Variants in HMCES observed in about 807,000 individuals in gnomAD.
HMCES encodes the protein 5-hydroxymethylcytosine binding, ES cell specific, also known as abasic site processing protein HMCES.
Under a neutral mutation model 35.1 loss-of-function variants are expected in HMCES, and 27 were observed. That is an observed-to-expected ratio of 0.77 (90% CI 0.57 to 1.06). HMCES has a LOEUF of 1.06. HMCES is among the 50% of genes least tolerant of loss of function. The pLI is 0.00. For missense variants in HMCES, 391 were observed against 430.4 expected, an observed-to-expected ratio of 0.91 and a Z score of 0.81; for synonymous variants, 130 against 154.7, an observed-to-expected ratio of 0.84 and a Z score of 1.18.
At chr3:129,294,098 T>A (rs2107693148) in intron 4 of HMCES, among the ~76,000 whole-genome samples, 1 of 152,270 alleles carries the variant, frequency 6.6e-6, no homozygotes, top group Admixed American at 6.5e-5. Flanking sequence ...TCATCTCTAT[T>A]ATTGGCTTAT....
rs752647786 is a variant in HMCES, at chr3:129,305,418, A to G, written c.*593A>G. ...TGGGGCATGGGGGCTTTCTGAGGAA[A>G]TAACTACAAGTCTTGGTGGTGGGCT... On this transcript the variant is annotated 3_prime_UTR_variant, in exon 7 of 7. Coordinates refer to ENST00000383463, the MANE Select transcript of HMCES (RefSeq NM_020187.3). 5 of 152,114 alleles carry G rather than the reference A, an allele frequency of 3.3e-5. No homozygotes were observed. Among genetic ancestry groups the G allele is most frequent in the African/African-American group, 9.7e-5 (4 of 41,398 alleles). The allele number at this position is 152,114 out of a possible 1,614,324, so 9.4% of individuals were successfully genotyped here.
chr3:129,279,673 A>G lies in HMCES; in HGVS notation c.-23-37A>G. ...CAAGGAATAAGACCTAATATTTGAGATACGTAAGCCTTTTCCTTACGTTTT... is the reference window on the plus strand; with the variant it reads ...CAAGGAATAAGACCTAATATTTGAGGTACGTAAGCCTTTTCCTTACGTTTT... On this transcript the variant is annotated intron_variant, in intron 1 of 6. Coordinates refer to ENST00000383463, the MANE Select transcript of HMCES (RefSeq NM_020187.3). The surrounding 1 kb of genome is among the most constrained non-coding windows in gnomAD (Gnocchi z 4.2). 6.3e-7 allele frequency: 1 copy of G among 1,586,632 alleles called. No homozygotes were observed. The highest frequency in any genetic ancestry group is 8.6e-7 in the Non-Finnish European group (1 of 1,163,894).
At chr3:129,288,049 T>C (rs573791381) in intron 2 of HMCES, among the ~76,000 whole-genome samples, 2 of 151,614 alleles carry the variant, frequency 1.3e-5, no homozygotes, top group East Asian at 3.9e-4. Context: ...AGAGCGAGAC[T>C]CCGTCTCAAA....
intron 2 of HMCES, among the ~76,000 whole-genome samples, chr3:129,283,610 C>T (rs1004209403): frequency 6.6e-6 from 1 of 152,090 alleles, no homozygotes; most frequent in Admixed American, 6.6e-5. Context: ...GCAGGTGGAT[C>T]GCTTGCAGTC....
chr3:129,289,299 A>G (rs1472212012), intron 3 of HMCES, among the ~76,000 whole-genome samples: 4 of 152,222 alleles, frequency 2.6e-5, no homozygotes, highest in Non-Finnish European at 4.4e-5. Context: ...TGGATGTCCA[A>G]GATGACTTCT....
intron 4 of HMCES, among the ~76,000 whole-genome samples, chr3:129,294,497 A>G (rs1438827221): frequency 6.6e-6 from 1 of 152,258 alleles, no homozygotes; most frequent in Non-Finnish European, 1.5e-5. Flanking sequence ...AGTTAATAAC[A>G]TTCTGTCTTT....
chr3:129,280,854 A>G (rs762091089), intron 2 of HMCES, among the ~76,000 whole-genome samples: 2 of 152,192 alleles, frequency 1.3e-5, no homozygotes, highest in Non-Finnish European at 2.9e-5. Flanking sequence ...TGTGTGTAAT[A>G]AAAATGCTTC....
Position 129,305,107 on chromosome 3 carries a change from A to G in HMCES, c.*282A>G, listed in dbSNP as rs1317228184. ...GCAGGGCTGGTGGAGTCTTCCCTCA[A>G]AGCATGCCTTACCCAGCTGGGAAGT... On this transcript the variant is annotated 3_prime_UTR_variant, in exon 7 of 7. Transcript: ENST00000383463. 2.1e-6 allele frequency: 1 copy of G among 472,936 alleles called. No homozygotes were observed. Among genetic ancestry groups the G allele is most frequent in the African/African-American group, 1.9e-5 (1 of 51,816 alleles). The allele number at this position is 472,936 out of a possible 1,614,324, so 29.3% of individuals were successfully genotyped here. A position where few individuals can be genotyped will look rare whatever the true frequency, so the allele number is the denominator to read the frequency against.
intron 2 of HMCES, among the ~76,000 whole-genome samples, chr3:129,286,085 A>G (rs138723436): frequency 5.0e-4 from 76 of 152,336 alleles, no homozygotes; most frequent in East Asian, 2.9e-3. Context: ...TCTTTCCTCT[A>G]TACCAGGGAT....
In HMCES at chr3:129,279,394, C is replaced by T. The variant is rs538067559; in HGVS notation, c.-23-316C>T. Among the ~76,000 whole-genome samples the T allele has an allele frequency of 3.6e-4, 55 of 152,308 alleles. No homozygotes were observed. Among genetic ancestry groups the T allele is most frequent in the East Asian group, 1.2e-3 (6 of 5,154 alleles). On this transcript the variant is annotated intron_variant, in intron 1 of 6. Transcript: ENST00000383463. This position sits in a 1 kb window ranked among gnomAD's most constrained non-coding sequence, Gnocchi z 4.2. ...CACCAAGTCACCCGGAGGAGGCGAC[C>T]CCAGCTAGCTGCGCTTGCCCTGCTT...
chr3:129,282,297 A>AC (rs1238628779), intron 2 of HMCES, among the ~76,000 whole-genome samples: 5 of 147,120 alleles, frequency 3.4e-5, no homozygotes, highest in African/African-American at 7.4e-5. Context: ...GTTTTTAACA[A>AC]AAAAAAAAAA....
At chr3:129,303,819 T>G (rs1441843320) in intron 6 of HMCES, among the ~76,000 whole-genome samples, 1 of 152,050 alleles carries the variant, frequency 6.6e-6, no homozygotes, top group South Asian at 2.1e-4. Context: ...CATAGTTCAC[T>G]GCAGCCTCGA....
chr3:129,299,792 C>T (rs2107697960), intron 5 of HMCES, among the ~76,000 whole-genome samples: 1 of 151,892 alleles, frequency 6.6e-6, no homozygotes, highest in Non-Finnish European at 1.5e-5. Flanking sequence ...GCTGGGACTA[C>T]AGGCACACGC....
chr3:129,290,937 T>A, intron 4 of HMCES, 133 bp downstream of exon 4: 8 of 785,706 alleles, frequency 1.0e-5, no homozygotes, highest in Admixed American at 2.8e-5. Flanking sequence ...GTGCGGTGGC[T>A]CACGCCTGTG....
chr3:129,290,406 C>G (rs755152782), intron 3 of HMCES, among the ~76,000 whole-genome samples: 2 of 151,842 alleles, frequency 1.3e-5, no homozygotes, highest in Admixed American at 6.6e-5. Flanking sequence ...GCTTTAGCCT[C>G]CCAGGTAGCA....
chr3:129,280,998 C>T (rs1576976605), intron 2 of HMCES, among the ~76,000 whole-genome samples: 2 of 151,160 alleles, frequency 1.3e-5, no homozygotes, highest in Non-Finnish European at 3.0e-5. Context: ...TGGAGGCGGG[C>T]GGATCACGAG....
chr3:129,301,119 G>T lies in HMCES; in HGVS notation c.636-831G>T, dbSNP rs537367184. 5.3e-5 allele frequency among the ~76,000 whole-genome samples: 8 copies of T among 150,748 alleles called. No individual in the cohort carries two copies. The South Asian group carries it at 1.5e-3, about 28-fold the overall frequency. ...AGGCAGAAGAATGGCATGAACCCGG[G>T]GGGTGGAGCTTGCAGTGAGTGGAGA... On this transcript the variant is annotated intron_variant, in intron 5 of 6. Transcript: ENST00000383463.
Position 129,288,997 on chromosome 3 carries a change from G to A in HMCES, c.327G>A (p.Lys109=), listed in dbSNP as rs1940722801. ...CCGTAATGGAGAAACGGTCATTTAAGGTAGGTGGCTGGTAGCTATTAGTGC... is the reference window on the plus strand; with the variant it reads ...CCGTAATGGAGAAACGGTCATTTAAAGTAGGTGGCTGGTAGCTATTAGTGC... ...SDTVMEKRSF[K]VPLGKGRRCV... is the part of the protein sequence containing the mutation. Residue 109 remains lysine (K), a splice_region_variant and synonymous_variant, in exon 3 of 7, where the codon AAG becomes AAA. Coordinates refer to ENST00000383463, the MANE Select transcript of HMCES (RefSeq NM_020187.3). 1.9e-6 allele frequency: 3 copies of A among 1,552,478 alleles called. No homozygotes were observed. The highest frequency in any genetic ancestry group is 1.8e-6 in the Non-Finnish European group (2 of 1,133,690).
At chr3:129,298,680 C>T (rs1389903563) in intron 5 of HMCES, 145 bp downstream of exon 5, 2 of 685,970 alleles carry the variant, frequency 2.9e-6, no homozygotes, top group Non-Finnish European at 4.8e-6. Context: ...ACATACATTC[C>T]TAAAAATCAC....
Sources: allele counts gnomAD v4.1 joint callset (sites outside exome capture counted in the v4.1 genomes callset), GRCh38; gene constraint gnomAD v4.1.1; non-coding constraint Gnocchi (gnomAD v3.1); transcripts MANE v1.5; gene names NCBI Gene and HGNC (gene_info 2026-07-23, HGNC 2026-07-21).